The following NPFFR2 variants were observed in gnomAD, a reference collection of about 807,000 sequenced individuals.
The protein encoded by NPFFR2 is G-protein coupled receptor 74.
Under a neutral mutation model 13.1 loss-of-function variants are expected in NPFFR2, and 15 were observed. That is an observed-to-expected ratio of 1.15 (90% CI 0.77 to 1.76). NPFFR2 has a LOEUF of 1.76. NPFFR2 is among the 40% of genes most tolerant of loss of function. The probability of loss-of-function intolerance (pLI) is 0.00; values close to 1 mark genes in which losing one functional copy is unlikely to be tolerated. For missense variants in NPFFR2, 572 were observed against 503.5 expected (o/e 1.14, Z -1.30); for synonymous variants, 190 against 175.7 (o/e 1.08, Z -0.65).
chr4:72,081,893 C>G (rs1406040806), intron 1 of NPFFR2, among the ~76,000 whole-genome samples: 3 of 152,108 alleles, frequency 2.0e-5, no homozygotes, highest in African/African-American at 7.2e-5. Flanking sequence ...CCTTGAAAAA[C>G]ATTTTGTTGA....
At chr4:72,070,277 A>G (rs919959155) in intron 1 of NPFFR2, among the ~76,000 whole-genome samples, 18 of 152,172 alleles carry the variant, frequency 1.2e-4, no homozygotes, top group Non-Finnish European at 2.1e-4. Flanking sequence ...AACCCACACT[A>G]TTTATTGAAA....
intron 1 of NPFFR2, among the ~76,000 whole-genome samples, chr4:72,048,230 C>G (rs1719434747): frequency 6.6e-6 from 1 of 152,094 alleles, no homozygotes; most frequent in Non-Finnish European, 1.5e-5. Context: ...TCAGTTTCTT[C>G]TTCCCAAGTT....
chr4:72,059,430 A>C (rs548650830), intron 1 of NPFFR2, among the ~76,000 whole-genome samples: 8 of 152,218 alleles, frequency 5.3e-5, no homozygotes, highest in African/African-American at 1.9e-4. Flanking sequence ...AGGGTCTTCT[A>C]TACTATGGGA....
intron 1 of NPFFR2, among the ~76,000 whole-genome samples, chr4:72,045,851 G>A (rs1000253155): frequency 1.3e-5 from 2 of 152,126 alleles, no homozygotes; most frequent in African/African-American, 4.8e-5. Context: ...TTGACCCTTT[G>A]AATGTTGGAA....
intron 1 of NPFFR2, among the ~76,000 whole-genome samples, chr4:72,048,592 C>G (rs1202325649): frequency 1.3e-5 from 2 of 151,752 alleles, no homozygotes; most frequent in African/African-American, 4.8e-5. Context: ...AGAGAAACAT[C>G]TATATTAACT....
intron 2 of NPFFR2, among the ~76,000 whole-genome samples, chr4:72,134,212 C>G (rs1412796148): frequency 6.6e-6 from 1 of 152,040 alleles, no homozygotes; most frequent in Non-Finnish European, 1.5e-5. Context: ...TGCAGTGAGC[C>G]GAGATCGTGC....
At chr4:72,114,655 A>G (rs1721660562) in intron 1 of NPFFR2, among the ~76,000 whole-genome samples, 1 of 152,172 alleles carries the variant, frequency 6.6e-6, no homozygotes, top group South Asian at 2.1e-4. Context: ...AAGCTTTTTC[A>G]TCACCTTATA....
chr4:72,038,990 C>T (rs1277779424), intron 1 of NPFFR2, among the ~76,000 whole-genome samples: 2 of 143,360 alleles, frequency 1.4e-5, no homozygotes, highest in Non-Finnish European at 3.0e-5. Context: ...CTGCAAGCTC[C>T]GCCTCCCGGG....
At chr4:72,132,048 T>A (rs1371216105) in intron 2 of NPFFR2, among the ~76,000 whole-genome samples, 2 of 152,134 alleles carry the variant, frequency 1.3e-5, no homozygotes, top group African/African-American at 4.8e-5. Flanking sequence ...ATGTACAAGT[T>A]TATTACACAG....
rs1398489127 is a variant in NPFFR2, at chr4:72,128,712, C to A, written c.121C>A (p.Gln41Lys). Residue 41 changes from glutamine (Q) to lysine (K), a missense_variant, in exon 2 of 4, where the codon CAG becomes AAG. Coordinates refer to ENST00000308744, the MANE Select transcript of NPFFR2 (RefSeq NM_004885.3). ...NITYVNYYLH[Q>K]PQVAAIFIIS... Reference sequence around the variant, plus strand: ...TACCTATGTGAACTACTATCTTCACCAGCCTCAAGTGGCAGCAATCTTCAT... The same window carrying A: ...TACCTATGTGAACTACTATCTTCACAAGCCTCAAGTGGCAGCAATCTTCAT... 1.9e-6 allele frequency: 3 copies of A among 1,614,132 alleles called. No individual in the cohort carries two copies. The highest frequency in any genetic ancestry group is 8.5e-7 in the Non-Finnish European group (1 of 1,179,984).
At chr4:72,126,220 A>G (rs745733503) in intron 1 of NPFFR2, among the ~76,000 whole-genome samples, 1 of 152,216 alleles carries the variant, frequency 6.6e-6, no homozygotes. Flanking sequence ...TTTCACTGAA[A>G]AGTTACAATT....
intron 1 of NPFFR2, among the ~76,000 whole-genome samples, chr4:72,060,379 A>G (rs1468047810): frequency 6.6e-6 from 1 of 152,014 alleles, no homozygotes. Flanking sequence ...ATCTCCAGCT[A>G]TTATGTATCT....
chr4:72,034,359 C>T (rs755653488), intron 1 of NPFFR2, among the ~76,000 whole-genome samples: 3 of 152,122 alleles, frequency 2.0e-5, no homozygotes, highest in Admixed American at 6.5e-5. Flanking sequence ...GAAGCAAACA[C>T]GTTCTCTTTC....
At chr4:72,126,954 A>G (rs72857449) in intron 1 of NPFFR2, among the ~76,000 whole-genome samples, 10,658 of 152,094 alleles carry the variant, frequency 0.07, 1,141 homozygotes, top group African/African-American at 0.23. Flanking sequence ...TGGGTCCTGC[A>G]AGTCTTTCTA....
Position 72,114,063 on chromosome 4 carries a change from G to C in NPFFR2, c.-7-14522G>C, listed in dbSNP as rs1363961073. ...AATAGACTATTTGCCCAGAGCTTCA[G>C]TTATCATGTTGACAAGGAGATTATA... is the stretch of plus-strand genomic sequence containing the variant. On this transcript the variant is annotated intron_variant, in intron 1 of 3. Transcript: ENST00000308744. 2.6e-5 allele frequency among the ~76,000 whole-genome samples: 4 copies of C among 152,068 alleles called. No homozygotes were observed. The East Asian group carries it at 7.7e-4, about 29-fold the overall frequency.
chr4:72,136,941 A>G (rs150211077), intron 2 of NPFFR2, among the ~76,000 whole-genome samples: 290 of 152,306 alleles, frequency 1.9e-3, no homozygotes, highest in African/African-American at 6.7e-3. Flanking sequence ...TCCTACACCT[A>G]TCATTTCAGT....
intron 1 of NPFFR2, among the ~76,000 whole-genome samples, chr4:72,037,247 A>C (rs914671234): frequency 6.6e-6 from 1 of 151,564 alleles, no homozygotes; most frequent in African/African-American, 2.4e-5. Context: ...AAAAACAAAA[A>C]ACTAGCTGGT....
rs766060501 is a variant in NPFFR2 at position 72,138,132 on chromosome 4, G to A, written c.421G>A (p.Val141Ile). The A allele has an allele frequency of 9.3e-6, 15 of 1,611,428 alleles. 1 individual carries two copies. The South Asian group carries it at 1.3e-4, about 14-fold the overall frequency. Residue 141 changes from valine (V) to isoleucine (I), a missense_variant, in exon 3 of 4, where the codon GTA (valine) becomes ATA (isoleucine). By Grantham distance (29) the Val-to-Ile change is conservative. Coordinates refer to ENST00000308744, the MANE Select transcript of NPFFR2 (RefSeq NM_004885.3). The stretch of plus-strand genomic sequence containing the variant: ...AGTCTTTACGTTAGTTGCAATTGCT[G>A]TAGATAGGTAAGTCTGCACCAAACT... Reference protein sequence around the residue: ...ASVFTLVAIAVDRFQCVVYPF... With the variant: ...ASVFTLVAIAIDRFQCVVYPF...
chr4:72,107,679 T>A (rs1721454405), intron 1 of NPFFR2, among the ~76,000 whole-genome samples: 1 of 151,916 alleles, frequency 6.6e-6, no homozygotes, highest in Admixed American at 6.6e-5. Flanking sequence ...CCCTAGAGGG[T>A]AAGGTAGAAT....
Sources: allele counts gnomAD v4.1 joint callset (sites outside exome capture counted in the v4.1 genomes callset), GRCh38; gene constraint gnomAD v4.1.1; transcripts MANE v1.5; gene names NCBI Gene and HGNC (gene_info 2026-07-23, HGNC 2026-07-21).